MPDZ: variants seen among roughly 807,000 people sequenced by gnomAD.
MPDZ encodes multiple PDZ domain protein.
A neutral mutation model predicts 239.1 loss-of-function variants in MPDZ; 234 were observed. That is an observed-to-expected ratio of 0.98 (90% CI 0.88 to 1.09). MPDZ has a LOEUF of 1.09. MPDZ is among the 50% of genes least tolerant of loss of function. The pLI, the probability that MPDZ is intolerant of heterozygous loss-of-function variation, is 0.00. For missense variants in MPDZ, 3,175 were observed against 2,510.0 expected, an observed-to-expected ratio of 1.26 and a Z score of -5.66; for synonymous variants, 1,048 against 881.3, an observed-to-expected ratio of 1.19 and a Z score of -3.35.
intron 3 of MPDZ, among the ~76,000 whole-genome samples, chr9:13,236,392 C>T (rs949184340): frequency 6.7e-6 from 1 of 148,938 alleles, no homozygotes; most frequent in South Asian, 2.1e-4. Flanking sequence ...GTTCTCCTGC[C>T]TCAGCCTACC....
chr9:13,155,580 TGTA>T (rs555262274), intron 24 of MPDZ, among the ~76,000 whole-genome samples: 6 of 152,202 alleles, frequency 3.9e-5, no homozygotes, highest in South Asian at 2.1e-4. Context: ...AAATAATACA[TGTA>T]GTAGTATATC....
rs764573637 is a variant in MPDZ, at chr9:13,108,920, A to C, written c.6066+16T>G. 5.6e-6 allele frequency: 9 copies of C among 1,609,108 alleles called. No homozygotes were observed. Among genetic ancestry groups the C allele is most frequent in the African/African-American group, 1.3e-5 (1 of 74,756 alleles). On this transcript the variant is annotated intron_variant, in intron 46 of 46. Transcript: ENST00000319217. ...TGTTTAGGGGAAAAGAGGGTGGTTA[A>C]AATTTGCAAGCTTACCTTTGCAAAC...
chr9:13,198,676 T>C (rs1377871291), intron 12 of MPDZ, among the ~76,000 whole-genome samples: 1 of 151,650 alleles, frequency 6.6e-6, no homozygotes, highest in Non-Finnish European at 1.5e-5. Flanking sequence ...AAATCCAATG[T>C]CCTGAAGCAT....
chr9:13,176,692 T>A (rs890456119), intron 19 of MPDZ, among the ~76,000 whole-genome samples: 4 of 152,024 alleles, frequency 2.6e-5, no homozygotes, highest in Non-Finnish European at 5.9e-5. Flanking sequence ...TAAGATCATT[T>A]AGAAATACTA....
chr9:13,250,265 T>A, intron 2 of MPDZ, 35 bp downstream of exon 2: 1 of 1,581,934 alleles, frequency 6.3e-7, no homozygotes. Context: ...GAGTTACAAT[T>A]CTTATAAAAG....
intron 10 of MPDZ, among the ~76,000 whole-genome samples, chr9:13,214,592 G>T (rs569963123): frequency 1.3e-5 from 2 of 151,934 alleles, no homozygotes; most frequent in Non-Finnish European, 2.9e-5. Flanking sequence ...TTTCAATCAA[G>T]CTTATTTTTT....
In MPDZ at chr9:13,193,175, G is replaced by C; in HGVS notation, c.1795C>G (p.Leu599Val). The change falls in exon 14 of 47, where the codon CTA (leucine) becomes GTA (valine). Residue 599 changes from leucine (L) to valine (V), a missense_variant. Physicochemically the swap from Leu to Val is conservative, Grantham distance 32. Coordinates refer to ENST00000319217, the MANE Select transcript of MPDZ (RefSeq NM_001378778.1). Reference protein sequence around the residue: ...HSGKLFSGDELLEVNGITLLG... With the variant: ...HSGKLFSGDEVLEVNGITLLG... ...ACAGCATAGCTCCTTACTTCCAATA[G>C]CTCGTCTCCACTGAAGAGCTTCCCG... The C allele has an allele frequency of 6.3e-7, 1 of 1,577,278 alleles. No individual in the cohort carries two copies. The highest frequency in any genetic ancestry group is 8.6e-7 in the Non-Finnish European group (1 of 1,159,036).
intron 10 of MPDZ, among the ~76,000 whole-genome samples, chr9:13,211,615 C>T (rs969667493): frequency 6.6e-6 from 1 of 152,038 alleles, no homozygotes; most frequent in African/African-American, 2.4e-5. Context: ...TTAAATGTTT[C>T]ATGTCCTTAA....
intron 10 of MPDZ, among the ~76,000 whole-genome samples, chr9:13,216,272 G>C (rs1013830768): frequency 2.0e-5 from 3 of 150,690 alleles, no homozygotes; most frequent in Non-Finnish European, 3.0e-5. Context: ...AACAATGATA[G>C]CTTGAACTAA....
At chr9:13,110,316 T>C (rs1050349507) in intron 44 of MPDZ, among the ~76,000 whole-genome samples, 11 of 152,192 alleles carry the variant, frequency 7.2e-5, no homozygotes, top group African/African-American at 2.7e-4. Flanking sequence ...TGTGGTCTCA[T>C]ATGTAATTAC....
rs148008579 is a variant in MPDZ at position 13,155,576 on chromosome 9, T to C, written c.3452+2442A>G. 3.0e-4 allele frequency among the ~76,000 whole-genome samples: 46 copies of C among 152,188 alleles called. 3 individuals carry two copies. The East Asian group carries it at 8.9e-3, about 29-fold the overall frequency. ...AAAAATTAAGCAAAATGGAAAATAA[T>C]ACATGTAGTAGTATATCAATTGTGT... is the stretch of plus-strand genomic sequence containing the variant. On this transcript the variant is annotated intron_variant, in intron 24 of 46. Transcript: ENST00000319217.
At chr9:13,241,865 A>G (rs1410606489) in intron 3 of MPDZ, among the ~76,000 whole-genome samples, 1 of 152,176 alleles carries the variant, frequency 6.6e-6, no homozygotes, top group East Asian at 1.9e-4. Flanking sequence ...CTCCTCAGAC[A>G]TGTCCTGGTA....
chr9:13,139,338 C>A (rs924661319), intron 28 of MPDZ, among the ~76,000 whole-genome samples: 4 of 152,122 alleles, frequency 2.6e-5, no homozygotes, highest in African/African-American at 7.2e-5. Flanking sequence ...TATTTTCCTG[C>A]AAAATGGTAT....
intron 28 of MPDZ, 113 bp downstream of exon 28, chr9:13,139,874 A>C: frequency 1.7e-6 from 2 of 1,176,220 alleles, no homozygotes; most frequent in Non-Finnish European, 2.5e-6. Flanking sequence ...ACAGAATTGC[A>C]GTATATATCA....
chr9:13,121,637 A>G, intron 38 of MPDZ, 102 bp downstream of exon 38: 2 of 1,220,102 alleles, frequency 1.6e-6, no homozygotes, highest in East Asian at 2.3e-5. Flanking sequence ...CCTACTGAAC[A>G]CTAGCCACTG....
intron 10 of MPDZ, among the ~76,000 whole-genome samples, chr9:13,213,771 A>G (rs1957939937): frequency 6.6e-6 from 1 of 152,044 alleles, no homozygotes; most frequent in African/African-American, 2.4e-5. Flanking sequence ...ACCTTGCCTA[A>G]GAGGAATTAT....
rs533475603 is a variant in MPDZ, at chr9:13,204,720, T to G, written c.1546+316A>C. 4.6e-5 allele frequency among the ~76,000 whole-genome samples: 7 copies of G among 152,308 alleles called. No individual in the cohort carries two copies. The South Asian group carries it at 1.4e-3, about 32-fold the overall frequency. ...GTTGGCTGTATAGAAACAAAGAGAT[T>G]AAATTAGAACCACACATACAAACAG... is the stretch of plus-strand genomic sequence containing the variant. On this transcript the variant is annotated intron_variant, in intron 12 of 46. Transcript: ENST00000319217.
chr9:13,155,216 C>T (rs1313710261), intron 24 of MPDZ, among the ~76,000 whole-genome samples: 3 of 151,882 alleles, frequency 2.0e-5, no homozygotes, highest in Non-Finnish European at 4.4e-5. Flanking sequence ...GACTCTGTCT[C>T]AGAAAAATAA....
chr9:13,267,337 C>T (rs185606022), intron 1 of MPDZ, among the ~76,000 whole-genome samples: 2 of 152,248 alleles, frequency 1.3e-5, no homozygotes, highest in Admixed American at 1.3e-4. Context: ...TACAAATATG[C>T]ATTTCCTTTA....
Sources: gnomAD v4.1 joint callset for allele counts (sites outside exome capture counted in the v4.1 genomes callset) on GRCh38, gnomAD v4.1.1 for gene constraint, MANE v1.5 for transcripts, NCBI Gene and HGNC (gene_info 2026-07-23, HGNC 2026-07-21) for gene names.